Variants in STK17A observed in about 807,000 individuals in gnomAD.
STK17A encodes the protein serine/threonine-protein kinase 17A.
STK17A carries 26 observed loss-of-function variants against 43.7 expected under a neutral mutation model. The ratio of observed to expected loss-of-function variants is 0.60; its 90% confidence interval spans 0.44 to 0.83. The LOEUF (loss-of-function observed/expected upper bound fraction) is 0.83. STK17A is among the 40% of genes least tolerant of loss of function. The pLI, the probability that STK17A is intolerant of heterozygous loss-of-function variation, is 0.00. For synonymous variants in STK17A, 191 were observed against 182.5 expected (o/e 1.05, Z -0.38); for missense variants, 476 against 511.6 (o/e 0.93, Z 0.67).
chr7:43,606,305 T>G (rs942890338), intron 2 of STK17A, among the ~76,000 whole-genome samples: 3 of 152,156 alleles, frequency 2.0e-5, no homozygotes, highest in African/African-American at 7.2e-5. Flanking sequence ...ATGGAAATGC[T>G]ACTTTAGATA....
At chr7:43,620,972 G>A (rs1240371893) in intron 4 of STK17A, among the ~76,000 whole-genome samples, 1 of 152,148 alleles carries the variant, frequency 6.6e-6, no homozygotes, top group Admixed American at 6.5e-5. Flanking sequence ...GCTAGAAGAG[G>A]GGGAATGAAG....
At chr7:43,612,564 G>A (rs535873186) in intron 3 of STK17A, among the ~76,000 whole-genome samples, 58 of 152,246 alleles carry the variant, frequency 3.8e-4, no homozygotes, top group Admixed American at 1.4e-3. Context: ...CAATATGTAT[G>A]GTAATTTTGA....
chr7:43,592,930 C>CT (rs765136060), intron 1 of STK17A, among the ~76,000 whole-genome samples: 11 of 152,034 alleles, frequency 7.2e-5, no homozygotes, highest in Non-Finnish European at 1.5e-4. Flanking sequence ...TTTTAGAAAG[C>CT]TTTTTAAAAA....
chr7:43,598,033 T>A (rs1365579309), intron 2 of STK17A, among the ~76,000 whole-genome samples: 5 of 152,158 alleles, frequency 3.3e-5, no homozygotes, highest in Non-Finnish European at 7.4e-5. Context: ...AAAAATAAAA[T>A]TTTAATACAT....
At chr7:43,589,666 T>G (rs1334058383) in intron 1 of STK17A, among the ~76,000 whole-genome samples, 1 of 142,574 alleles carries the variant, frequency 7.0e-6, no homozygotes, top group East Asian at 1.9e-4. Flanking sequence ...TCCATGACTT[T>G]CACCTTTCCT....
At chr7:43,619,922 T>A (rs1285788168) in intron 4 of STK17A, among the ~76,000 whole-genome samples, 199 bp downstream of exon 4, 3 of 152,232 alleles carry the variant, frequency 2.0e-5, no homozygotes, top group African/African-American at 7.2e-5. Context: ...CTCTTCACTA[T>A]CTCTTCACTA....
At chr7:43,602,658 A>G (rs528519038) in intron 2 of STK17A, among the ~76,000 whole-genome samples, 215 of 152,138 alleles carry the variant, frequency 1.4e-3, no homozygotes, top group African/African-American at 4.9e-3. Context: ...ATCCTTTTCT[A>G]CTATATAAAT....
At position 43,626,036 on chromosome 7, in the gene STK17A, T is replaced by C. The variant is rs2084494645; in HGVS notation, c.*1194T>C. ...TGACCAGTAAAGTCCAATTAAAATATGGAAATGTAAAAGTGTATGCCGAAT... is the reference window on the plus strand; with the variant it reads ...TGACCAGTAAAGTCCAATTAAAATACGGAAATGTAAAAGTGTATGCCGAAT... On this transcript the variant is annotated 3_prime_UTR_variant, in exon 7 of 7. Coordinates refer to ENST00000319357, the MANE Select transcript of STK17A (RefSeq NM_004760.3). 6.6e-6 allele frequency: 1 copy of C among 152,210 alleles called. No homozygotes were observed. Among genetic ancestry groups the C allele is most frequent in the African/African-American group, 2.4e-5 (1 of 41,458 alleles). The allele number at this position is 152,210 out of a possible 1,614,324, so 9.4% of individuals were successfully genotyped here.
chr7:43,619,161 T>C (rs1187453127), intron 3 of STK17A, among the ~76,000 whole-genome samples: 1 of 152,164 alleles, frequency 6.6e-6, no homozygotes, highest in Non-Finnish European at 1.5e-5. Flanking sequence ...TCTTTGATTA[T>C]TGAAGTTATT....
chr7:43,607,215 GC>G (rs1418075602), intron 2 of STK17A, among the ~76,000 whole-genome samples: 8 of 151,860 alleles, frequency 5.3e-5, no homozygotes, highest in Admixed American at 4.6e-4. Context: ...GAGCCACTGT[GC>G]CCAGCCTCAA....
intron 3 of STK17A, among the ~76,000 whole-genome samples, chr7:43,617,362 A>G (rs1174935904): frequency 6.6e-6 from 1 of 152,246 alleles, no homozygotes; most frequent in Admixed American, 6.5e-5. Flanking sequence ...TGAAGAGGCC[A>G]TTGCAATAGA....
intron 3 of STK17A, among the ~76,000 whole-genome samples, chr7:43,618,437 G>C (rs2083549539): frequency 6.6e-6 from 1 of 152,188 alleles, no homozygotes; most frequent in East Asian, 1.9e-4. Flanking sequence ...TTGGAGCACA[G>C]ATTGCCTTTG....
chr7:43,612,333 A>T (rs1399339112), intron 3 of STK17A, among the ~76,000 whole-genome samples: 1 of 152,206 alleles, frequency 6.6e-6, no homozygotes, highest in East Asian at 1.9e-4. Context: ...GCAACCATGC[A>T]TGCGGGAGTG....
intron 2 of STK17A, among the ~76,000 whole-genome samples, chr7:43,603,898 T>A (rs2082572009): frequency 6.6e-6 from 1 of 152,180 alleles, no homozygotes; most frequent in Non-Finnish European, 1.5e-5. Flanking sequence ...GTATTTTGTG[T>A]TTAGATTTGG....
intron 1 of STK17A, among the ~76,000 whole-genome samples, chr7:43,595,585 T>G (rs778465281): frequency 3.3e-5 from 5 of 152,116 alleles, no homozygotes; most frequent in Non-Finnish European, 5.9e-5. Context: ...TTCAACTGGC[T>G]TTTTTAGAGA....
intron 3 of STK17A, among the ~76,000 whole-genome samples, chr7:43,611,650 A>G (rs371506394): frequency 1.5e-3 from 226 of 152,354 alleles, no homozygotes; most frequent in African/African-American, 5.0e-3. Flanking sequence ...TGGCCTCCGC[A>G]GTACGGACTT....
intron 4 of STK17A, chr7:43,623,302 G>C (rs759212980): frequency 2.0e-4 from 75 of 367,266 alleles, no homozygotes; most frequent in Non-Finnish European, 3.5e-4. Context: ...GAGATTGTCA[G>C]TTTATGTTTG....
At chr7:43,618,249 G>A (rs979738545) in intron 3 of STK17A, among the ~76,000 whole-genome samples, 4 of 152,292 alleles carry the variant, frequency 2.6e-5, no homozygotes, top group Admixed American at 2.6e-4. Context: ...GGGGAGGCCA[G>A]GGCAGGCTTT....
intron 6 of STK17A, 23 bp from the exon 7 acceptor site, chr7:43,624,495 C>G (rs1583828207): frequency 1.9e-6 from 3 of 1,579,414 alleles, no homozygotes; most frequent in Non-Finnish European, 2.6e-6. Flanking sequence ...CATGTCTTAA[C>G]TGTAAAACAT....
Sources: gnomAD v4.1 joint callset for allele counts (sites outside exome capture counted in the v4.1 genomes callset) on GRCh38, gnomAD v4.1.1 for gene constraint, MANE v1.5 for transcripts, NCBI Gene and HGNC (gene_info 2026-07-23, HGNC 2026-07-21) for gene names.